The following SUSD6 variants were observed in gnomAD, a reference collection of about 807,000 sequenced individuals.
SUSD6 encodes sushi domain containing 6, also known as sushi domain-containing protein 6.
Under a neutral mutation model 28.4 loss-of-function variants are expected in SUSD6, and 16 were observed. The observed-to-expected ratio is 0.56, with a 90% confidence interval of 0.38 to 0.86. The LOEUF (loss-of-function observed/expected upper bound fraction) is 0.86, where lower values mean the gene tolerates loss of function less well. Among genes scored for constraint, SUSD6 ranks in the 40% least tolerant of loss-of-function variants. The pLI, the probability that SUSD6 is intolerant of heterozygous loss-of-function variation, is 0.00. For synonymous variants in SUSD6, 147 were observed against 159.6 expected (o/e 0.92, Z 0.59); for missense variants, 341 against 384.2 (o/e 0.89, Z 0.94).
At chr14:69,643,158 G>A (rs537016166) in intron 1 of SUSD6, among the ~76,000 whole-genome samples, 29 of 152,242 alleles carry the variant, frequency 1.9e-4, no homozygotes, top group African/African-American at 5.1e-4. Context: ...TCTGAAAACC[G>A]TTATTTTATC....
chr14:69,704,224 A>G (rs1285973565), intron 3 of SUSD6, among the ~76,000 whole-genome samples: 3 of 152,242 alleles, frequency 2.0e-5, no homozygotes, highest in Non-Finnish European at 4.4e-5. Flanking sequence ...TGGGAAGAAC[A>G]TAGGTAGAAC....
intron 1 of SUSD6, among the ~76,000 whole-genome samples, chr14:69,612,488 C>G (rs1387726172): frequency 1.3e-5 from 2 of 152,284 alleles, no homozygotes; most frequent in Admixed American, 6.5e-5. Flanking sequence ...GAGACCCCAG[C>G]TATGAGTGTG....
chr14:69,615,354 T>G (rs1884944328), intron 1 of SUSD6, among the ~76,000 whole-genome samples: 1 of 152,084 alleles, frequency 6.6e-6, no homozygotes, highest in South Asian at 2.1e-4. Context: ...CTTGGATGAG[T>G]GTAAGTTTGT....
chr14:69,705,394 C>G (rs891606989), intron 4 of SUSD6, among the ~76,000 whole-genome samples: 2 of 151,872 alleles, frequency 1.3e-5, no homozygotes, highest in Non-Finnish European at 2.9e-5. Flanking sequence ...ACCAGTCGTT[C>G]TCAAAGCGTG....
At chr14:69,710,391 C>T (rs553598502) in intron 5 of SUSD6, among the ~76,000 whole-genome samples, 96 of 152,278 alleles carry the variant, frequency 6.3e-4, no homozygotes, top group South Asian at 1.4e-3. Context: ...GGGGCCTATA[C>T]TCAAGAAATA....
At chr14:69,695,457 A>G (rs1034361353) in intron 2 of SUSD6, among the ~76,000 whole-genome samples, 1 of 152,154 alleles carries the variant, frequency 6.6e-6, no homozygotes, top group African/African-American at 2.4e-5. Flanking sequence ...ACTTTAGACA[A>G]ATTTGCAAAT....
At chr14:69,675,769 A>G (rs184359146) in intron 2 of SUSD6, among the ~76,000 whole-genome samples, 65 of 152,088 alleles carry the variant, frequency 4.3e-4, no homozygotes, top group African/African-American at 1.5e-3. Context: ...TTACAAATCA[A>G]ATACTTTTTG....
chr14:69,668,619 GA>G, intron 2 of SUSD6, among the ~76,000 whole-genome samples: 1 of 136,748 alleles, frequency 7.3e-6, no homozygotes, highest in Middle Eastern at 3.7e-3. Flanking sequence ...TGGGCAATAA[GA>G]GCAAGAATTC....
chr14:69,670,155 A>G (rs1384301341), intron 2 of SUSD6, among the ~76,000 whole-genome samples: 1 of 152,202 alleles, frequency 6.6e-6, no homozygotes, highest in African/African-American at 2.4e-5. Context: ...GAGCTATGTA[A>G]TGCCACAGAG....
At chr14:69,656,058 T>G (rs1885577774) in intron 1 of SUSD6, among the ~76,000 whole-genome samples, 1 of 151,976 alleles carries the variant, frequency 6.6e-6, no homozygotes, top group Admixed American at 6.6e-5. Flanking sequence ...GATCCACTTG[T>G]ATTTGGTGCT....
intron 2 of SUSD6, among the ~76,000 whole-genome samples, chr14:69,681,717 GA>G: frequency 6.6e-6 from 1 of 152,300 alleles, no homozygotes; most frequent in Middle Eastern, 3.4e-3. Flanking sequence ...TAAAATGGGG[GA>G]AAAATTATTT....
chr14:69,704,607 A>G lies in SUSD6; in HGVS notation c.323A>G (p.Lys108Arg). 6.2e-7 allele frequency: 1 copy of G among 1,611,236 alleles called. No individual in the cohort carries two copies. Among genetic ancestry groups the G allele is most frequent in the African/African-American group, 1.3e-5 (1 of 74,806 alleles). The change falls in exon 4 of 6, where the codon AAA (lysine) becomes AGA (arginine). Residue 108 changes from lysine to arginine, a missense_variant. Transcript: ENST00000342745. ...MEISCRLNED[K>R]DTHTSLGVPT... Reference sequence around the variant, plus strand: ...TGATGATGGCTTGTTTTTATAGATAAAGACACCCACACATCACTTGGGGTC... The same window carrying G: ...TGATGATGGCTTGTTTTTATAGATAGAGACACCCACACATCACTTGGGGTC...
intron 2 of SUSD6, among the ~76,000 whole-genome samples, chr14:69,692,916 G>A (rs902575610): frequency 1.3e-5 from 2 of 152,180 alleles, no homozygotes; most frequent in African/African-American, 4.8e-5. Context: ...AGAGGGGAGA[G>A]CAAACACATA....
intron 1 of SUSD6, among the ~76,000 whole-genome samples, chr14:69,654,096 C>T (rs1158121062): frequency 2.0e-5 from 3 of 152,190 alleles, no homozygotes; most frequent in Non-Finnish European, 4.4e-5. Context: ...ATTGGTTCCT[C>T]GACTCAGGTA....
chr14:69,653,620 A>T (rs1885535438), intron 1 of SUSD6, among the ~76,000 whole-genome samples: 1 of 152,030 alleles, frequency 6.6e-6, no homozygotes, highest in African/African-American at 2.4e-5. Flanking sequence ...CTTCAGTGAT[A>T]ATTTTTTTTA....
At chr14:69,662,222 A>G (rs1885673388) in intron 2 of SUSD6, among the ~76,000 whole-genome samples, 1 of 152,172 alleles carries the variant, frequency 6.6e-6, no homozygotes, top group East Asian at 1.9e-4. Context: ...GCGTGTGTAC[A>G]GGCACATTCA....
intron 2 of SUSD6, among the ~76,000 whole-genome samples, chr14:69,683,685 ACATGCATAGCCAGCAGAAG>A (rs1218778364): frequency 6.6e-6 from 1 of 152,194 alleles, no homozygotes; most frequent in Non-Finnish European, 1.5e-5. Context: ...AAGTGTGGAG[ACATGCATAGCCAGCAGAAG>A]CATTTAGACT....
intron 1 of SUSD6, among the ~76,000 whole-genome samples, chr14:69,655,148 T>A (rs1885563422): frequency 6.6e-6 from 1 of 152,114 alleles, no homozygotes; most frequent in Non-Finnish European, 1.5e-5. Flanking sequence ...TATAGGGGTG[T>A]GTGTGTGTGT....
intron 3 of SUSD6, 150 bp downstream of exon 3, chr14:69,703,742 A>G (rs1424715115): frequency 1.6e-5 from 11 of 690,354 alleles, no homozygotes; most frequent in Non-Finnish European, 2.5e-5. Context: ...TTGGGTCTTC[A>G]TGTCTTTGTG....
Sources: gnomAD v4.1 joint callset for allele counts (sites outside exome capture counted in the v4.1 genomes callset) on GRCh38, gnomAD v4.1.1 for gene constraint, MANE v1.5 for transcripts, NCBI Gene and HGNC (gene_info 2026-07-23, HGNC 2026-07-21) for gene names.